The following ZSWIM5 variants were observed in gnomAD, a reference collection of about 807,000 sequenced individuals.
ZSWIM5 encodes zinc finger SWIM domain-containing protein 5.
Under a neutral mutation model 119.6 loss-of-function variants are expected in ZSWIM5, and 55 were observed. That is an observed-to-expected ratio of 0.46 (90% confidence interval 0.37 to 0.58). The LOEUF (loss-of-function observed/expected upper bound fraction) is 0.58, where lower values mean the gene tolerates loss of function less well. ZSWIM5 is among the 20% of genes least tolerant of loss of function. ZSWIM5 has a pLI of 0.00. For missense variants in ZSWIM5, 1,193 were observed against 1,512.8 expected (o/e 0.79, Z 3.51); for synonymous variants, 537 against 606.9 (o/e 0.88, Z 1.69).
At chr1:45,156,258 A>G (rs907343207) in intron 1 of ZSWIM5, among the ~76,000 whole-genome samples, 30 of 151,860 alleles carry the variant, frequency 2.0e-4, no homozygotes, top group East Asian at 3.9e-4. Context: ...GGACACAAAG[A>G]TGGCAATATT....
Position 45,106,765 on chromosome 1 carries a change from G to A in ZSWIM5, c.596-18528C>T, listed in dbSNP as rs369415282. The stretch of plus-strand genomic sequence containing the variant: ...CCATGATGACTATGGCGGTTTTGTC[G>A]AAAAGAAAAGGGGGAAATGTGGGGA... On this transcript the variant is annotated intron_variant, in intron 1 of 13. Coordinates refer to ENST00000359600, the MANE Select transcript of ZSWIM5 (RefSeq NM_020883.2). Among the ~76,000 whole-genome samples the A allele has an allele frequency of 8.7e-4, 132 of 152,248 alleles. 1 individual carries two copies. Among genetic ancestry groups the A allele is most frequent in the South Asian group, 7.0e-3 (34 of 4,824 alleles).
At chr1:45,202,233 G>T (rs575971695) in intron 1 of ZSWIM5, among the ~76,000 whole-genome samples, 2 of 151,846 alleles carry the variant, frequency 1.3e-5, no homozygotes, top group South Asian at 2.1e-4. Context: ...GATATCTTTT[G>T]TTCCCCCAAA....
intron 2 of ZSWIM5, among the ~76,000 whole-genome samples, chr1:45,067,341 A>C (rs1645189409): frequency 6.6e-6 from 1 of 151,700 alleles, no homozygotes; most frequent in Non-Finnish European, 1.5e-5. Flanking sequence ...TGGGAGGCTG[A>C]GGTGGGAGGA....
chr1:45,140,748 G>A (rs1274186456), intron 1 of ZSWIM5, among the ~76,000 whole-genome samples: 1 of 152,202 alleles, frequency 6.6e-6, no homozygotes, highest in Non-Finnish European at 1.5e-5. Context: ...ATAAGATGGA[G>A]TAAGCACACT....
intron 2 of ZSWIM5, among the ~76,000 whole-genome samples, chr1:45,076,027 G>C (rs57755658): frequency 6.6e-6 from 1 of 151,802 alleles, no homozygotes; most frequent in Non-Finnish European, 1.5e-5. Context: ...ACTTAACTTC[G>C]TGCCCCTGCT....
chr1:45,129,161 T>G (rs937573587), intron 1 of ZSWIM5, among the ~76,000 whole-genome samples: 3 of 143,174 alleles, frequency 2.1e-5, no homozygotes, highest in South Asian at 2.3e-4. Context: ...TTGTTTTTTT[T>G]TTTTTTTTTT....
intron 10 of ZSWIM5, 134 bp from the exon 11 acceptor site, chr1:45,034,603 A>G: frequency 9.5e-7 from 1 of 1,051,406 alleles, no homozygotes; most frequent in South Asian, 1.7e-5. Flanking sequence ...AGGTTTTTAA[A>G]CCTATGGTAC....
At chr1:45,165,726 AT>A (rs1338502324) in intron 1 of ZSWIM5, among the ~76,000 whole-genome samples, 1 of 152,196 alleles carries the variant, frequency 6.6e-6, no homozygotes, top group Non-Finnish European at 1.5e-5. Context: ...GAAAAAATGG[AT>A]AAATTCCTGA....
intron 2 of ZSWIM5, among the ~76,000 whole-genome samples, chr1:45,069,499 C>T (rs1178883942): frequency 6.6e-6 from 1 of 151,762 alleles, no homozygotes; most frequent in Non-Finnish European, 1.5e-5. Flanking sequence ...GAATTCCTTA[C>T]CTCTGTTTTC....
chr1:45,172,058 C>T (rs904067909), intron 1 of ZSWIM5, among the ~76,000 whole-genome samples: 5 of 151,756 alleles, frequency 3.3e-5, no homozygotes, highest in Non-Finnish European at 7.4e-5. Flanking sequence ...TCAAATTCAC[C>T]GTCCAAAATG....
chr1:45,092,876 T>C (rs916695426), intron 1 of ZSWIM5, among the ~76,000 whole-genome samples: 2 of 152,258 alleles, frequency 1.3e-5, no homozygotes, highest in African/African-American at 4.8e-5. Flanking sequence ...ATTTCCAGCC[T>C]GCCCTGCAGA....
intron 2 of ZSWIM5, among the ~76,000 whole-genome samples, chr1:45,087,008 A>G (rs1645334778): frequency 6.7e-6 from 1 of 149,972 alleles, no homozygotes. Flanking sequence ...CTCAGCCTCC[A>G]AAGTAGCTGG....
At chr1:45,058,097 C>A (rs193297039) in intron 4 of ZSWIM5, among the ~76,000 whole-genome samples, 27 of 152,208 alleles carry the variant, frequency 1.8e-4, no homozygotes, top group Admixed American at 7.2e-4. Context: ...GGGACTATAA[C>A]TCAGATGAGT....
At chr1:45,095,483 G>A (rs962277907) in intron 1 of ZSWIM5, among the ~76,000 whole-genome samples, 1 of 152,092 alleles carries the variant, frequency 6.6e-6, no homozygotes, top group Non-Finnish European at 1.5e-5. Context: ...CAAACAAGGT[G>A]CAGACATTTA....
At chr1:45,065,331 A>G (rs1334448247) in intron 2 of ZSWIM5, among the ~76,000 whole-genome samples, 1 of 152,196 alleles carries the variant, frequency 6.6e-6, no homozygotes, top group African/African-American at 2.4e-5. Context: ...TTAAGTTAGG[A>G]TATGAAAAAG....
intron 2 of ZSWIM5, among the ~76,000 whole-genome samples, chr1:45,086,799 A>T (rs1053321693): frequency 1.3e-5 from 2 of 152,130 alleles, no homozygotes; most frequent in Non-Finnish European, 2.9e-5. Context: ...AAAAAAAATA[A>T]TAAAGTCCTT....
chr1:45,039,010 T>G lies in ZSWIM5; in HGVS notation c.1820A>C (p.Asp607Ala). ...NLEGWVGHPL[D>A]PIDCLFLTLT... is the part of the protein sequence containing the mutation. ...AGTGAGAAACAGGCAGTCGATGGGATCCAGGGGGTGGCCCACCCAGCCCTC... is the reference window on the plus strand; with the variant it reads ...AGTGAGAAACAGGCAGTCGATGGGAGCCAGGGGGTGGCCCACCCAGCCCTC... Residue 607 changes from aspartate (D) to alanine (A), a missense_variant, in exon 8 of 14, where the codon GAT becomes GCT. By Grantham distance (126) the Asp-to-Ala change is moderately radical. Coordinates refer to ENST00000359600, the MANE Select transcript of ZSWIM5 (RefSeq NM_020883.2). 6.2e-7 allele frequency: 1 copy of G among 1,614,142 alleles called. No homozygotes were observed. The highest frequency in any genetic ancestry group is 1.7e-5 in the Admixed American group (1 of 60,016).
chr1:45,176,453 C>T lies in ZSWIM5; in HGVS notation c.595+29303G>A, dbSNP rs899522926. On this transcript the variant is annotated intron_variant, in intron 1 of 13. Coordinates refer to ENST00000359600, the MANE Select transcript of ZSWIM5 (RefSeq NM_020883.2). Reference sequence around the variant, plus strand: ...TAATTTTTCTATTTTTTAGTAGAGACGGGGTTTCGTCATGTTGGCCAGGCT... The same window carrying T: ...TAATTTTTCTATTTTTTAGTAGAGATGGGGTTTCGTCATGTTGGCCAGGCT... 5.3e-5 allele frequency among the ~76,000 whole-genome samples: 8 copies of T among 151,920 alleles called. No individual in the cohort carries two copies. In the South Asian group the frequency reaches 1.0e-3, roughly 20 times the overall value.
chr1:45,077,499 T>C (rs1339975250), intron 2 of ZSWIM5, among the ~76,000 whole-genome samples: 1 of 152,106 alleles, frequency 6.6e-6, no homozygotes, highest in Non-Finnish European at 1.5e-5. Context: ...GGTAATAGAC[T>C]ATCACAAGGC....
Sources: allele counts gnomAD v4.1 joint callset (sites outside exome capture counted in the v4.1 genomes callset), GRCh38; gene constraint gnomAD v4.1.1; transcripts MANE v1.5; gene names NCBI Gene and HGNC (gene_info 2026-07-23, HGNC 2026-07-21).